Variants in IGF1R observed in about 807,000 individuals in gnomAD.
IGF1R encodes insulin-like growth factor 1 receptor.
A neutral mutation model predicts 144.6 loss-of-function variants in IGF1R; 44 were observed. The observed-to-expected ratio is 0.30, with a 90% CI of 0.24 to 0.39. The LOEUF is 0.39. IGF1R is among the 10% of genes least tolerant of loss of function. IGF1R has a pLI of 1.00. For missense variants in IGF1R, 1,355 were observed against 1,833.7 expected (o/e 0.74, Z 4.77); for synonymous variants, 795 against 722.8 (o/e 1.10, Z -1.60).
intron 3 of IGF1R, among the ~76,000 whole-genome samples, chr15:98,893,771 G>T (rs2014044585): frequency 6.6e-6 from 1 of 152,208 alleles, no homozygotes; most frequent in Non-Finnish European, 1.5e-5. Flanking sequence ...ACTCTTCAGA[G>T]AATTGAGCCA....
At chr15:98,708,527 A>G (rs2053920503) in intron 2 of IGF1R, among the ~76,000 whole-genome samples, 1 of 152,124 alleles carries the variant, frequency 6.6e-6, no homozygotes, top group South Asian at 2.1e-4. Flanking sequence ...GTGCGAAGTG[A>G]TATTTTTTGT....
At chr15:98,841,659 G>A (rs1011145288) in intron 2 of IGF1R, among the ~76,000 whole-genome samples, 7 of 152,190 alleles carry the variant, frequency 4.6e-5, no homozygotes, top group Admixed American at 4.6e-4. Flanking sequence ...CATGTTGAGT[G>A]CTTTCAAAAT....
intron 2 of IGF1R, among the ~76,000 whole-genome samples, chr15:98,769,674 G>A (rs1446059883): frequency 6.6e-6 from 1 of 152,188 alleles, no homozygotes; most frequent in Non-Finnish European, 1.5e-5. Flanking sequence ...GTGAGAAAGG[G>A]TTTAATTAGA....
rs527866096 is a variant in IGF1R at position 98,778,010 on chromosome 15, A to G, written c.640+69903A>G. Among the ~76,000 whole-genome samples, 17 of 152,344 alleles carry G rather than the reference A, an allele frequency of 1.1e-4. No individual in the cohort carries two copies. In the South Asian group the frequency reaches 3.3e-3, roughly 30 times the overall value. The stretch of plus-strand genomic sequence containing the variant: ...TACGGGGGTTAGATATTTATTGAGC[A>G]CCTACTGCATGACAGAGTGTTCAGC... On this transcript the variant is annotated intron_variant, in intron 2 of 20. Transcript: ENST00000650285.
At chr15:98,665,139 G>T (rs1381354883) in intron 1 of IGF1R, among the ~76,000 whole-genome samples, 1 of 152,088 alleles carries the variant, frequency 6.6e-6, no homozygotes, top group African/African-American at 2.4e-5. Context: ...TTTTAGTAGA[G>T]ATGGGGTTTC....
intron 2 of IGF1R, among the ~76,000 whole-genome samples, chr15:98,853,275 C>T (rs911861424): frequency 6.6e-6 from 1 of 152,160 alleles, no homozygotes; most frequent in African/African-American, 2.4e-5. Context: ...TGATCTGAAT[C>T]AGGTTTCCCA....
chr15:98,948,673 C>A lies in IGF1R; in HGVS notation c.3687C>A (p.Gly1229=). 1 of 1,614,186 alleles carries A rather than the reference C, an allele frequency of 6.2e-7. No individual in the cohort carries two copies. Among genetic ancestry groups the A allele is most frequent in the Non-Finnish European group, 8.5e-7 (1 of 1,180,036 alleles). ...TCCTTCGCTTCGTCATGGAGGGCGG[C>A]CTTCTGGACAAGCCAGACAACTGTC... ...EQVLRFVMEG[G]LLDKPDNCPD... is the part of the protein sequence containing the mutation. Residue 1229 remains glycine (G), a synonymous_variant, in exon 20 of 21, where the codon GGC becomes GGA. Coordinates refer to ENST00000650285, the MANE Select transcript of IGF1R (RefSeq NM_000875.5).
Position 98,924,598 on chromosome 15 carries a change from G to A in IGF1R, c.2696G>A (p.Gly899Glu). The change falls in exon 13 of 21, where the codon GGG (glycine) becomes GAG (glutamate). Residue 899 changes from glycine to glutamate, a missense_variant. Physicochemically the swap from Gly to Glu is moderately conservative, Grantham distance 98. Around this residue, in one of 7 missense-constraint regions of IGF1R, gnomAD observed 880 missense variants for 1,202.7 expected, o/e 0.73. Transcript: ENST00000650285. ...GCCAAGCTAAACCGGCTAAACCCGG[G>A]GAACTACACAGCCCGGATTCAGGCC... ...GGAKLNRLNP[G>E]NYTARIQATS... is the part of the protein sequence containing the mutation. The A allele has an allele frequency of 6.2e-7, 1 of 1,614,088 alleles. No individual in the cohort carries two copies. The highest frequency in any genetic ancestry group is 8.5e-7 in the Non-Finnish European group (1 of 1,179,974).
chr15:98,790,942 T>C (rs2056114604), intron 2 of IGF1R, among the ~76,000 whole-genome samples: 1 of 152,200 alleles, frequency 6.6e-6, no homozygotes, highest in South Asian at 2.1e-4. Flanking sequence ...ACTTTCTTTT[T>C]TGTGTTCTTT....
rs1354859994 is a variant in IGF1R, at chr15:98,760,284, G to A, written c.640+52177G>A. On this transcript the variant is annotated intron_variant, in intron 2 of 20. Coordinates refer to ENST00000650285, the MANE Select transcript of IGF1R (RefSeq NM_000875.5). ...GGAGAATGGCTTGAACCTGGGATGCGGAGGTCATAGTGAGCCAAGACTGTG... is the reference window on the plus strand; with the variant it reads ...GGAGAATGGCTTGAACCTGGGATGCAGAGGTCATAGTGAGCCAAGACTGTG... Among the ~76,000 whole-genome samples, 10 of 151,888 alleles carry A rather than the reference G, an allele frequency of 6.6e-5. No individual in the cohort carries two copies. In the East Asian group the frequency reaches 9.7e-4, roughly 15 times the overall value.
chr15:98,954,829 C>G (rs921016628), intron 20 of IGF1R, among the ~76,000 whole-genome samples: 4 of 152,164 alleles, frequency 2.6e-5, no homozygotes, highest in African/African-American at 4.8e-5. Context: ...TTTGGAAAGG[C>G]AGGCTTATTT....
chr15:98,882,120 C>T (rs935396639), intron 2 of IGF1R, among the ~76,000 whole-genome samples: 4 of 152,202 alleles, frequency 2.6e-5, no homozygotes, highest in African/African-American at 9.7e-5. Context: ...CTACACTGTT[C>T]AGACTGCCTC....
At chr15:98,899,870 C>A (rs1364100053) in intron 5 of IGF1R, among the ~76,000 whole-genome samples, 1 of 152,138 alleles carries the variant, frequency 6.6e-6, no homozygotes, top group Non-Finnish European at 1.5e-5. Context: ...TCAAGGGTTG[C>A]GTGTCTGACT....
intron 6 of IGF1R, among the ~76,000 whole-genome samples, chr15:98,910,923 A>C (rs1359254679): frequency 6.6e-6 from 1 of 152,198 alleles, no homozygotes; most frequent in Non-Finnish European, 1.5e-5. Context: ...CGTCTCTCTT[A>C]AGAAGTTTCA....
intron 2 of IGF1R, among the ~76,000 whole-genome samples, chr15:98,779,794 C>T (rs1424887103): frequency 2.0e-5 from 3 of 152,130 alleles, no homozygotes; most frequent in African/African-American, 7.2e-5. Flanking sequence ...AGAGGGCACA[C>T]GAGAGCAGGC....
intron 2 of IGF1R, among the ~76,000 whole-genome samples, chr15:98,845,409 CTCCTCCCCCTCCCTCT>C (rs1262625048): frequency 2.5e-5 from 3 of 118,286 alleles, no homozygotes; most frequent in Admixed American, 8.2e-5. Flanking sequence ...CGCCTCCCTC[CTCCTCCCCCTCCCTCT>C]TCCTCCCCTC....
Position 98,924,577 on chromosome 15 carries a change from A to C in IGF1R, c.2675A>C (p.Lys892Thr). The C allele has an allele frequency of 6.2e-7, 1 of 1,614,152 alleles. No homozygotes were observed. The highest frequency in any genetic ancestry group is 8.5e-7 in the Non-Finnish European group (1 of 1,179,998). The change falls in exon 13 of 21, where the codon AAG becomes ACG. Residue 892 changes from lysine (K) to threonine (T), a missense_variant. Physicochemically the swap from Lys to Thr is moderately conservative, Grantham distance 78 (BLOSUM62 -1). Coordinates refer to ENST00000650285, the MANE Select transcript of IGF1R (RefSeq NM_000875.5). ...GAATACAGGAAGTATGGAGGGGCCA[A>C]GCTAAACCGGCTAAACCCGGGGAAC... ...RQEYRKYGGA[K>T]LNRLNPGNYT...
At chr15:98,853,178 TC>T (rs2011612269) in intron 2 of IGF1R, among the ~76,000 whole-genome samples, 1 of 152,174 alleles carries the variant, frequency 6.6e-6, no homozygotes, top group Non-Finnish European at 1.5e-5. Context: ...CTTTCCCTAT[TC>T]CTAGGTTTGA....
At chr15:98,773,189 G>A (rs2055632289) in intron 2 of IGF1R, among the ~76,000 whole-genome samples, 1 of 152,038 alleles carries the variant, frequency 6.6e-6, no homozygotes, top group Admixed American at 6.5e-5. Flanking sequence ...TGAGTAGCTG[G>A]TGGCTCAGAT....
Sources: gnomAD v4.1 joint callset for allele counts (sites outside exome capture counted in the v4.1 genomes callset) on GRCh38, gnomAD v4.1.1 for gene constraint, gnomAD v4.1.1 regional missense constraint, MANE v1.5 for transcripts, NCBI Gene and HGNC (gene_info 2026-07-23, HGNC 2026-07-21) for gene names.